The following SNX4 variants were observed in gnomAD, a reference collection of about 807,000 sequenced individuals.
SNX4 encodes sorting nexin-4.
In SNX4, 49 loss-of-function variants were observed where a neutral mutation model predicts 70.8. That is an observed-to-expected ratio of 0.69 (90% CI 0.55 to 0.88). The LOEUF is 0.88. Ranked by LOEUF, SNX4 falls within the 40% of genes least tolerant of loss-of-function variation. SNX4 has a pLI of 0.00. For synonymous variants in SNX4, 206 were observed against 183.8 expected, an observed-to-expected ratio of 1.12 and a Z score of -0.98; for missense variants, 528 against 544.8, an observed-to-expected ratio of 0.97 and a Z score of 0.31.
intron 2 of SNX4, among the ~76,000 whole-genome samples, chr3:125,503,969 G>C (rs979481558): frequency 6.6e-6 from 1 of 152,128 alleles, no homozygotes; most frequent in Non-Finnish European, 1.5e-5. Flanking sequence ...GGCTGAGGCA[G>C]GAGTATCACT....
intron 7 of SNX4, among the ~76,000 whole-genome samples, 186 bp from the exon 8 acceptor site, chr3:125,476,942 T>C (rs1376742234): frequency 1.3e-5 from 2 of 152,220 alleles, no homozygotes; most frequent in Non-Finnish European, 2.9e-5. Flanking sequence ...ATTTATCATA[T>C]CTTATACTTT....
intron 7 of SNX4, among the ~76,000 whole-genome samples, chr3:125,478,387 C>T (rs1004326392): frequency 2.7e-5 from 4 of 150,670 alleles, no homozygotes; most frequent in Non-Finnish European, 1.5e-5. Flanking sequence ...ATTTTTTGAG[C>T]AGTCTGTGCA....
chr3:125,489,274 TA>T, intron 6 of SNX4, 133 bp downstream of exon 6: 1 of 674,934 alleles, frequency 1.5e-6, no homozygotes, highest in Non-Finnish European at 2.5e-6. Flanking sequence ...TTTTAGACTT[TA>T]AAAGGATTTC....
At chr3:125,465,825 TAG>T (rs1035793902) in intron 9 of SNX4, among the ~76,000 whole-genome samples, 2 of 152,064 alleles carry the variant, frequency 1.3e-5, no homozygotes, top group Admixed American at 6.6e-5. Context: ...GTATTTTTAG[TAG>T]AGACAGGGTT....
intron 1 of SNX4, 134 bp from the exon 2 acceptor site, chr3:125,504,878 G>A: frequency 2.1e-6 from 2 of 967,288 alleles, no homozygotes; most frequent in Non-Finnish European, 2.9e-6. Context: ...TTCTTGAGTT[G>A]CCAGGGGTTG....
intron 12 of SNX4, among the ~76,000 whole-genome samples, chr3:125,452,536 G>A (rs1235878321): frequency 6.6e-6 from 1 of 152,094 alleles, no homozygotes; most frequent in African/African-American, 2.4e-5. Context: ...GAGCAACAAT[G>A]GCACCACTGC....
intron 8 of SNX4, among the ~76,000 whole-genome samples, chr3:125,475,968 G>C (rs904687701): frequency 2.6e-5 from 4 of 151,232 alleles, no homozygotes; most frequent in Non-Finnish European, 5.9e-5. Flanking sequence ...GACAAAGTGA[G>C]ACCCTGTATT....
chr3:125,494,036 CA>C (rs61235927), intron 5 of SNX4, among the ~76,000 whole-genome samples: 64,897 of 125,708 alleles, frequency 0.52, 15,472 homozygotes, highest in African/African-American at 0.65. Flanking sequence ...GACTCCATCT[CA>C]AAAAAAAAAA....
At chr3:125,469,566 G>C (rs1934116497) in intron 8 of SNX4, 47 bp from the exon 9 acceptor site, 1 of 1,253,504 alleles carries the variant, frequency 8.0e-7, no homozygotes, top group South Asian at 1.2e-5. Flanking sequence ...TTAGAGATAT[G>C]GAATAGTATT....
At chr3:125,492,892 C>A (rs563252576) in intron 5 of SNX4, among the ~76,000 whole-genome samples, 2 of 152,118 alleles carry the variant, frequency 1.3e-5, no homozygotes, top group Non-Finnish European at 2.9e-5. Context: ...CTCTGGTAGT[C>A]CTTGCCCCAA....
chr3:125,477,603 A>G (rs910561372), intron 7 of SNX4, among the ~76,000 whole-genome samples: 2 of 152,220 alleles, frequency 1.3e-5, no homozygotes, highest in African/African-American at 2.4e-5. Flanking sequence ...TTACTCAAAC[A>G]TGAGTATGAG....
chr3:125,495,252 A>ATG, intron 5 of SNX4, among the ~76,000 whole-genome samples: 1 of 37,832 alleles, frequency 2.6e-5, no homozygotes, highest in African/African-American at 1.3e-4. Flanking sequence ...TTCTCTCTTT[A>ATG]TATATATATA....
intron 11 of SNX4, among the ~76,000 whole-genome samples, chr3:125,454,552 A>G (rs1378412120): frequency 6.6e-6 from 1 of 152,202 alleles, no homozygotes; most frequent in East Asian, 1.9e-4. Flanking sequence ...AAAGTATACA[A>G]AAGGATATGC....
intron 9 of SNX4, among the ~76,000 whole-genome samples, chr3:125,468,494 A>C (rs1934086572): frequency 6.6e-6 from 1 of 152,168 alleles, no homozygotes; most frequent in Admixed American, 6.6e-5. Context: ...TGAGGCCAGA[A>C]GTTTGAGACC....
chr3:125,489,941 C>T (rs1934613957), intron 5 of SNX4, among the ~76,000 whole-genome samples: 1 of 152,048 alleles, frequency 6.6e-6, no homozygotes, highest in African/African-American at 2.4e-5. Context: ...GCCTGGCCAA[C>T]ATGATGAAAC....
At position 125,447,010 on chromosome 3, in the gene SNX4, A is replaced by G. The variant is rs1464299963; in HGVS notation, c.*769T>C. 1 of 152,632 alleles carries G rather than the reference A, an allele frequency of 6.6e-6. No homozygotes were observed. The highest frequency in any genetic ancestry group is 1.5e-5 in the Non-Finnish European group (1 of 68,040). 9.5% of individuals were successfully genotyped at this position (152,632 alleles called of 1,614,324 possible). A position where few individuals can be genotyped will look rare whatever the true frequency, so the allele number is the denominator to read the frequency against. Reference sequence around the variant, plus strand: ...TTATACCCTGAAATGCCATGTGTAGAGAGCCAAGCAGAGTAAATTTAGGCT... The same window carrying G: ...TTATACCCTGAAATGCCATGTGTAGGGAGCCAAGCAGAGTAAATTTAGGCT... On this transcript the variant is annotated 3_prime_UTR_variant, in exon 14 of 14. Coordinates refer to ENST00000251775, the MANE Select transcript of SNX4 (RefSeq NM_003794.4).
intron 6 of SNX4, among the ~76,000 whole-genome samples, chr3:125,486,604 C>A (rs1014418237): frequency 1.3e-5 from 2 of 152,056 alleles, no homozygotes; most frequent in Admixed American, 6.5e-5. Context: ...CCAGCCTGGG[C>A]AACACAGAGA....
intron 9 of SNX4, among the ~76,000 whole-genome samples, chr3:125,464,169 C>A (rs1013008259): frequency 1.3e-5 from 2 of 152,140 alleles, no homozygotes; most frequent in Admixed American, 6.5e-5. Flanking sequence ...ATTACCACCA[C>A]CCACCTCCAT....
At chr3:125,480,088 C>A (rs1417536057) in intron 7 of SNX4, among the ~76,000 whole-genome samples, 159 bp downstream of exon 7, 1 of 152,302 alleles carries the variant, frequency 6.6e-6, no homozygotes, top group East Asian at 1.9e-4. Flanking sequence ...AACCATTGCA[C>A]ATTTTTTTAA....
Sources: allele counts gnomAD v4.1 joint callset (sites outside exome capture counted in the v4.1 genomes callset), GRCh38; gene constraint gnomAD v4.1.1; transcripts MANE v1.5; gene names NCBI Gene and HGNC (gene_info 2026-07-23, HGNC 2026-07-21).